HK1: variants seen among roughly 807,000 people sequenced by gnomAD.
HK1 encodes the protein hexokinase-1.
HK1 carries 28 observed loss-of-function variants against 91.6 expected under a neutral mutation model. The observed-to-expected ratio is 0.31, with a 90% CI of 0.23 to 0.42. The LOEUF (loss-of-function observed/expected upper bound fraction) is 0.42. Among genes scored for constraint, HK1 ranks in the 10% least tolerant of loss-of-function variants. The pLI, the probability that HK1 is intolerant of heterozygous loss-of-function variation, is 1.00. For synonymous variants in HK1, 430 were observed against 468.1 expected (o/e 0.92, Z 1.05); for missense variants, 770 against 1,219.8 (o/e 0.63, Z 5.49).
At chr10:69,288,496 C>T (rs1845133495) in intron 2 of HK1, among the ~76,000 whole-genome samples, 1 of 152,202 alleles carries the variant, frequency 6.6e-6, no homozygotes, top group Non-Finnish European at 1.5e-5. Flanking sequence ...CTGCCTCAAA[C>T]AAACAAAAGG....
intron 7 of HK1, among the ~76,000 whole-genome samples, chr10:69,372,148 T>C (rs1381357793): frequency 6.6e-6 from 1 of 152,210 alleles, no homozygotes; most frequent in African/African-American, 2.4e-5. Context: ...GTGAGACTTA[T>C]TCAATATCAC....
intron 4 of HK1, chr10:69,295,778 A>C (rs1249137601): frequency 3.6e-6 from 3 of 841,410 alleles, no homozygotes; most frequent in Non-Finnish European, 6.0e-6. Flanking sequence ...TCAGCCAGCC[A>C]AGCAGCTGTG....
At chr10:69,288,930 C>T (rs1845153923) in intron 3 of HK1, among the ~76,000 whole-genome samples, 1 of 152,170 alleles carries the variant, frequency 6.6e-6, no homozygotes, top group African/African-American at 2.4e-5. Context: ...GGATTACAGG[C>T]ATGGGCCACC....
At chr10:69,315,989 G>A (rs778865187), upstream of HK1, 4 of 1,614,172 alleles carry the variant, frequency 2.5e-6, no homozygotes, top group African/African-American at 1.3e-5. Context: ...TTGCCCTGTC[G>A]AGGTGCTGAG....
intron 5 of HK1, among the ~76,000 whole-genome samples, chr10:69,301,573 C>CAAAAAAAAAAAAAAA (rs3086649): frequency 1.2e-5 from 1 of 80,806 alleles, no homozygotes. Context: ...GACTCTGTCT[C>CAAAAAAAAAAAAAAA]AAAAAAAAAA....
chr10:69,327,993 C>G (rs12265560), intron 1 of HK1, among the ~76,000 whole-genome samples: 4,895 of 152,238 alleles, frequency 0.032, 128 homozygotes, highest in African/African-American at 0.068. Flanking sequence ...GTGCTGTGGG[C>G]TGACTCCGTT....
At chr10:69,281,914 C>T (rs1053504797) in intron 1 of HK1, among the ~76,000 whole-genome samples, 3 of 152,314 alleles carry the variant, frequency 2.0e-5, no homozygotes, top group African/African-American at 4.8e-5. Flanking sequence ...TTTGCCTGCT[C>T]TATTTTGGCC....
At chr10:69,294,018 C>G (rs1188837693) in intron 3 of HK1, among the ~76,000 whole-genome samples, 2 of 151,770 alleles carry the variant, frequency 1.3e-5, no homozygotes, top group Admixed American at 1.3e-4. Context: ...CCCACCACCA[C>G]GCCCGGCTGA....
intron 8 of HK1, 122 bp from the exon 9 acceptor site, chr10:69,379,730 TCATCCCATAC>T (rs200138774): frequency 0.049 from 37,733 of 770,872 alleles, 1,137 homozygotes; most frequent in Middle Eastern, 0.094. Context: ...TTGACAGTCT[TCATCCCATAC>T]CATCCCATAC....
chr10:69,384,290 A>C (rs747271151), intron 10 of HK1, 43 bp from the exon 11 acceptor site: 23 of 1,613,706 alleles, frequency 1.4e-5, no homozygotes, highest in Non-Finnish European at 1.9e-5. Flanking sequence ...GCCAAGAGGC[A>C]CTTAGCTGTT....
At chr10:69,292,325 A>C (rs759743454) in intron 3 of HK1, 4 of 440,834 alleles carry the variant, frequency 9.1e-6, no homozygotes, top group Middle Eastern at 6.7e-4. Context: ...CTCCTGCCTC[A>C]GCCTCCTAAA....
rs943179982 is a variant in HK1, at chr10:69,294,082, C to T, written c.-114-1551C>T. Among the ~76,000 whole-genome samples the T allele has an allele frequency of 5.9e-5, 9 of 152,056 alleles. No individual in the cohort carries two copies. In the South Asian group the frequency reaches 1.0e-3, roughly 18 times the overall value. ...TTCACCGTGTTAGCCAGGATGGTCTCGATCTCCTGACCTTGTGATCCACCC... is the reference window on the plus strand; with the variant it reads ...TTCACCGTGTTAGCCAGGATGGTCTTGATCTCCTGACCTTGTGATCCACCC... On this transcript the variant is annotated intron_variant, in intron 3 of 21. Coordinates refer to the HK1 transcript ENST00000360289.
intron 7 of HK1, among the ~76,000 whole-genome samples, chr10:69,373,744 C>T (rs767794030): frequency 2.0e-5 from 3 of 152,048 alleles, no homozygotes; most frequent in Non-Finnish European, 2.9e-5. Flanking sequence ...GCAGCAGTAC[C>T]ATGCCTGGCT....
intron 2 of HK1, among the ~76,000 whole-genome samples, chr10:69,286,277 C>A (rs1024917167): frequency 6.6e-6 from 1 of 152,102 alleles, no homozygotes; most frequent in African/African-American, 2.4e-5. Flanking sequence ...GGAGGAGAAT[C>A]GCTTGAGCCC....
intron 10 of HK1, among the ~76,000 whole-genome samples, chr10:69,383,889 A>G (rs1287683670): frequency 1.3e-5 from 2 of 152,250 alleles, no homozygotes; most frequent in Non-Finnish European, 2.9e-5. Flanking sequence ...GGCCTGAACA[A>G]TCCTAGGGCT....
chr10:69,373,109 T>C (rs1333347750), intron 7 of HK1, among the ~76,000 whole-genome samples: 1 of 152,214 alleles, frequency 6.6e-6, no homozygotes, highest in African/African-American at 2.4e-5. Context: ...CCTCAGGTGA[T>C]CCAGCCACCT....
Position 69,369,116 on chromosome 10 carries a change from C to A in HK1, c.592-121C>A. ...ATTTGAGTACCAGCTGTAATGAAAC[C>A]AGTACCACTCACAAAAGCAGGGGTT... On this transcript the variant is annotated intron_variant, in intron 5 of 17. Transcript: ENST00000359426. This position sits in a 1 kb window ranked among gnomAD's most constrained non-coding sequence, Gnocchi z 4.4. The A allele has an allele frequency of 1.3e-6, 1 of 743,614 alleles. No homozygotes were observed. The allele number at this position is 743,614 out of a possible 1,614,324, so 46.1% of individuals were successfully genotyped here. A position where few individuals can be genotyped will look rare whatever the true frequency, so the allele number is the denominator to read the frequency against.
At chr10:69,307,047 C>G (rs529349994) in intron 5 of HK1, among the ~76,000 whole-genome samples, 15 of 152,260 alleles carry the variant, frequency 9.9e-5, no homozygotes, top group African/African-American at 3.4e-4. Flanking sequence ...AGGAGAAGAA[C>G]ATGACTGTGT....
intron 4 of HK1, among the ~76,000 whole-genome samples, chr10:69,368,143 TG>T (rs1371255328): frequency 6.6e-6 from 1 of 152,224 alleles, no homozygotes; most frequent in African/African-American, 2.4e-5. Flanking sequence ...CCCAGGGCTG[TG>T]GAAGCCGGGG....
Sources: allele counts gnomAD v4.1 joint callset (sites outside exome capture counted in the v4.1 genomes callset), GRCh38; gene constraint gnomAD v4.1.1; non-coding constraint Gnocchi (gnomAD v3.1); transcripts MANE v1.5; gene names NCBI Gene and HGNC (gene_info 2026-07-23, HGNC 2026-07-21).